Variants in PIK3IP1 observed in about 807,000 individuals in gnomAD.
The protein encoded by PIK3IP1 is phosphoinositide-3-kinase interacting protein 1.
PIK3IP1 carries 28 observed loss-of-function variants against 30.7 expected under a neutral mutation model. The observed-to-expected ratio is 0.91, with a 90% CI of 0.68 to 1.25. The LOEUF (loss-of-function observed/expected upper bound fraction) is 1.25, where lower values mean the gene tolerates loss of function less well. PIK3IP1 is among the 50% of genes most tolerant of loss of function. PIK3IP1 has a pLI of 0.00. For synonymous variants in PIK3IP1, 159 were observed against 140.8 expected (o/e 1.13, Z -0.91); for missense variants, 333 against 346.2 (o/e 0.96, Z 0.30).
At chr22:31,290,928 G>T (rs370397734) in intron 3 of PIK3IP1, 37 bp downstream of exon 3, 3 of 1,538,558 alleles carry the variant, frequency 1.9e-6, no homozygotes, top group East Asian at 5.0e-5. Context: ...TCCTGTCAGC[G>T]CCAGGAGCGG....
chr22:31,287,030 T>TC (rs1230173906), intron 5 of PIK3IP1, among the ~76,000 whole-genome samples: 1 of 147,746 alleles, frequency 6.8e-6, no homozygotes, highest in Non-Finnish European at 1.5e-5. Flanking sequence ...TTTTTTTTTT[T>TC]TTTTTTTTGA....
At chr22:31,288,656 C>G (rs2049149586) in intron 5 of PIK3IP1, among the ~76,000 whole-genome samples, 2 of 152,242 alleles carry the variant, frequency 1.3e-5, no homozygotes, top group Non-Finnish European at 2.9e-5. Flanking sequence ...TCTCGTGGGA[C>G]CTTTCAAAAT....
At chr22:31,289,758 T>C (rs1282735985) in intron 3 of PIK3IP1, 59 bp from the exon 4 acceptor site, 2 of 1,529,738 alleles carry the variant, frequency 1.3e-6, no homozygotes, top group Admixed American at 2.0e-5. Context: ...ATTCCACAGC[T>C]GAACCTGGCC....
intron 5 of PIK3IP1, among the ~76,000 whole-genome samples, chr22:31,287,162 C>T (rs1000948194): frequency 1.3e-5 from 2 of 150,734 alleles, no homozygotes; most frequent in Non-Finnish European, 2.9e-5. Flanking sequence ...GGACTACAGG[C>T]GCCCACCACC....
At chr22:31,290,738 G>C (rs182492803) in intron 3 of PIK3IP1, 10 of 570,780 alleles carry the variant, frequency 1.8e-5, no homozygotes, top group East Asian at 3.5e-5. Context: ...CCCCAGCCTC[G>C]CCCCGCGCAG....
At chr22:31,292,074 G>A (rs1205717169) in intron 1 of PIK3IP1, among the ~76,000 whole-genome samples, 3 of 152,168 alleles carry the variant, frequency 2.0e-5, no homozygotes, top group African/African-American at 4.8e-5. Context: ...GAGAGAAAGT[G>A]GCTTCTTGCC....
At position 31,289,380 on chromosome 22, in the gene PIK3IP1, G is replaced by A. The variant is rs759268201; in HGVS notation, c.522C>T (p.Gly174=). 1.1e-5 allele frequency: 18 copies of A among 1,610,404 alleles called. No individual in the cohort carries two copies. In the Admixed American group the frequency reaches 3.0e-4, roughly 27 times the overall value. ...CAATGATGATCACCATCATGGTAAT[G>A]CCCAGCACGTAGCCTGCCAAGGATA... ...KDLGTLGYVL[G]ITMMVIIIAI... Residue 174 remains glycine, a synonymous_variant, in exon 5 of 6, where the codon GGC becomes GGT. Transcript: ENST00000215912.
rs2049098573 is a variant in PIK3IP1, at chr22:31,282,677, C to T, written c.*407G>A. On this transcript the variant is annotated 3_prime_UTR_variant, in exon 6 of 6. Transcript: ENST00000215912. Reference sequence around the variant, plus strand: ...CATCCCTTGACCTGCTTTACCTTAACCATGAATAACAGTGTATGCCACTCA... The same window carrying T: ...CATCCCTTGACCTGCTTTACCTTAATCATGAATAACAGTGTATGCCACTCA... 5.7e-6 allele frequency: 1 copy of T among 175,344 alleles called. No individual in the cohort carries two copies. Among genetic ancestry groups the T allele is most frequent in the African/African-American group, 2.4e-5 (1 of 42,524 alleles). The allele number at this position is 175,344 out of a possible 1,614,324, so 10.9% of individuals were successfully genotyped here.
chr22:31,291,480 C>T (rs1362735880), intron 1 of PIK3IP1, among the ~76,000 whole-genome samples, 184 bp from the exon 2 acceptor site: 2 of 116,614 alleles, frequency 1.7e-5, no homozygotes, highest in African/African-American at 8.8e-5. Flanking sequence ...CCCCCCCCCC[C>T]CAACTCCACG....
At chr22:31,284,968 G>A (rs2049120248) in intron 5 of PIK3IP1, among the ~76,000 whole-genome samples, 1 of 152,216 alleles carries the variant, frequency 6.6e-6, no homozygotes, top group Middle Eastern at 3.4e-3. Flanking sequence ...ATGGCCTTTG[G>A]CAGAGCTCAA....
In PIK3IP1 at chr22:31,292,478, T is replaced by C. The variant is rs570263934; in HGVS notation, c.-134A>G. ...TTATGCTGTTCTGGTAAACAGCCTCTCTTTAGAACTGGGAGCTTCCCAGCT... is the reference window on the plus strand; with the variant it reads ...TTATGCTGTTCTGGTAAACAGCCTCCCTTTAGAACTGGGAGCTTCCCAGCT... On this transcript the variant is annotated 5_prime_UTR_variant, in exon 1 of 6. Coordinates refer to ENST00000215912, the MANE Select transcript of PIK3IP1 (RefSeq NM_052880.5). 900 of 688,016 alleles carry C rather than the reference T, an allele frequency of 1.3e-3. 3 individuals are homozygous for C. Among genetic ancestry groups the C allele is most frequent in the Non-Finnish European group, 2.0e-4 (79 of 392,876 alleles). 42.6% of individuals were successfully genotyped at this position (688,016 alleles called of 1,614,324 possible). A position where few individuals can be genotyped will look rare whatever the true frequency, so the allele number is the denominator to read the frequency against.
intron 5 of PIK3IP1, 85 bp from the exon 6 acceptor site, chr22:31,283,373 G>T: frequency 7.0e-7 from 1 of 1,419,670 alleles, no homozygotes; most frequent in South Asian, 1.2e-5. Context: ...GGCTCAGCAA[G>T]AGCAGCAGCT....
At chr22:31,288,299 G>A (rs1202780205) in intron 5 of PIK3IP1, among the ~76,000 whole-genome samples, 4 of 151,668 alleles carry the variant, frequency 2.6e-5, no homozygotes, top group East Asian at 1.9e-4. Flanking sequence ...AATTACTTGC[G>A]CCCTGGGAGG....
At chr22:31,291,153 C>T (rs2049174697) in intron 2 of PIK3IP1, 27 bp downstream of exon 2, 2 of 1,538,984 alleles carry the variant, frequency 1.3e-6, no homozygotes, top group Non-Finnish European at 1.7e-6. Flanking sequence ...CCGCCAGCCC[C>T]GGGGCCGTCC....
intron 5 of PIK3IP1, among the ~76,000 whole-genome samples, chr22:31,284,164 A>G (rs571104326): frequency 2.6e-5 from 4 of 152,280 alleles, no homozygotes; most frequent in African/African-American, 9.6e-5. Flanking sequence ...TCAGCATCCC[A>G]AAGTGCTGGG....
intron 5 of PIK3IP1, among the ~76,000 whole-genome samples, chr22:31,284,249 C>T (rs755572126): frequency 6.6e-6 from 1 of 152,266 alleles, no homozygotes; most frequent in Non-Finnish European, 1.5e-5. Flanking sequence ...TTGAGTTTAA[C>T]TTCCGCGCCT....
intron 5 of PIK3IP1, among the ~76,000 whole-genome samples, chr22:31,284,000 G>T (rs1184283216): frequency 1.3e-5 from 2 of 152,142 alleles, no homozygotes; most frequent in Non-Finnish European, 2.9e-5. Flanking sequence ...TGCCTCTCAG[G>T]TTCAAGCGAT....
At chr22:31,284,994 C>T (rs2049120460) in intron 5 of PIK3IP1, among the ~76,000 whole-genome samples, 1 of 152,152 alleles carries the variant, frequency 6.6e-6, no homozygotes, top group Non-Finnish European at 1.5e-5. Flanking sequence ...ACAGTACCTA[C>T]CCTGACTGCT....
At chr22:31,289,882 G>A (rs937889162) in intron 3 of PIK3IP1, 183 bp from the exon 4 acceptor site, 7 of 579,156 alleles carry the variant, frequency 1.2e-5, no homozygotes, top group African/African-American at 9.4e-5. Flanking sequence ...AACCATCTCA[G>A]GGACAAGGCA....
Sources: gnomAD v4.1 joint callset for allele counts (sites outside exome capture counted in the v4.1 genomes callset) on GRCh38, gnomAD v4.1.1 for gene constraint, MANE v1.5 for transcripts, NCBI Gene and HGNC (gene_info 2026-07-23, HGNC 2026-07-21) for gene names.